Variants in CASS4 observed in about 807,000 individuals in gnomAD.
CASS4 encodes the protein Cas scaffold protein family member 4.
In CASS4, 22 loss-of-function variants were observed where a neutral mutation model predicts 54.2. That is an observed-to-expected ratio of 0.41 (90% confidence interval 0.29 to 0.58). CASS4 has a LOEUF of 0.58. CASS4 is among the 20% of genes least tolerant of loss of function. The pLI is 0.36. For synonymous variants in CASS4, 409 were observed against 391.5 expected, an observed-to-expected ratio of 1.04 and a Z score of -0.53; for missense variants, 854 against 986.7, an observed-to-expected ratio of 0.87 and a Z score of 1.80.
chr20:56,454,686 TA>T (rs1981203342), intron 5 of CASS4, among the ~76,000 whole-genome samples: 1 of 152,204 alleles, frequency 6.6e-6, no homozygotes, highest in South Asian at 2.1e-4. Flanking sequence ...AAGAGAAAGA[TA>T]AACCTATCTT....
Position 56,414,241 on chromosome 20 carries a change from G to A in CASS4, c.36+1747G>A, listed in dbSNP as rs1054851140. ...CTTTTCTGGCTGTTGTTGTTTGTGT[G>A]TGTGTTTGTCTTTCTGATCCAGGTG... On this transcript the variant is annotated intron_variant, in intron 1 of 5. Transcript: ENST00000679887. This position sits in a 1 kb window ranked among gnomAD's most constrained non-coding sequence, Gnocchi z 4.1. 1.3e-5 allele frequency among the ~76,000 whole-genome samples: 2 copies of A among 152,152 alleles called. No individual in the cohort carries two copies. Among genetic ancestry groups the A allele is most frequent in the African/African-American group, 4.8e-5 (2 of 41,406 alleles).
chr20:56,430,588 C>A lies in CASS4; in HGVS notation c.37-6576C>A, dbSNP rs943581715. On this transcript the variant is annotated intron_variant, in intron 1 of 5. Transcript: ENST00000679887. This position sits in a 1 kb window ranked among gnomAD's most constrained non-coding sequence, Gnocchi z 4.2. ...CTTTGGAGTGGCCTGTCAACTGCTT[C>A]CATCTGTTATTCACAAAGAGCTCAG... Among the ~76,000 whole-genome samples, 3 of 152,190 alleles carry A rather than the reference C, an allele frequency of 2.0e-5. No individual in the cohort carries two copies. The highest frequency in any genetic ancestry group is 7.2e-5 in the African/African-American group (3 of 41,448).
intron 2 of CASS4, 125 bp from the exon 3 acceptor site, chr20:56,445,775 T>A: frequency 1.5e-6 from 1 of 651,558 alleles, no homozygotes; most frequent in Admixed American, 2.7e-5. Flanking sequence ...CCAGCGGGGG[T>A]GCCGGGCGAC....
chr20:56,453,185 G>A, intron 5 of CASS4, 56 bp downstream of exon 5: 2 of 1,287,588 alleles, frequency 1.6e-6, no homozygotes, highest in Non-Finnish European at 2.2e-6. Flanking sequence ...ACCTGGAGTA[G>A]TGGCTACTAA....
intron 1 of CASS4, among the ~76,000 whole-genome samples, chr20:56,417,534 G>A (rs1200755064): frequency 3.3e-5 from 5 of 152,166 alleles, no homozygotes; most frequent in African/African-American, 1.2e-4. Flanking sequence ...TTGTTCCTCT[G>A]TCTTCCTCTC....
chr20:56,413,203 G>A (rs1054490326), intron 1 of CASS4, among the ~76,000 whole-genome samples: 13 of 150,626 alleles, frequency 8.6e-5, no homozygotes, highest in Admixed American at 3.3e-4. Flanking sequence ...AAGTTAAAAT[G>A]GCTACCATAT....
At chr20:56,444,399 G>T (rs575086284) in intron 2 of CASS4, among the ~76,000 whole-genome samples, 1 of 152,268 alleles carries the variant, frequency 6.6e-6, no homozygotes, top group Admixed American at 6.5e-5. Flanking sequence ...CCCTGTCCTG[G>T]ACTCCGGAGC....
rs1264119173 is a variant in CASS4, at chr20:56,459,982, C to T, written c.*1235C>T. On this transcript the variant is annotated 3_prime_UTR_variant, in exon 6 of 6. Transcript: ENST00000679887. ...CGTAAGTAGGGGAAGTGCAAGAGAA[C>T]TTATCTTCAAATGGTTAATTTTTAT... The T allele has an allele frequency of 6.6e-6, 1 of 152,106 alleles. No individual in the cohort carries two copies. The highest frequency in any genetic ancestry group is 2.4e-5 in the African/African-American group (1 of 41,372). 9.4% of individuals were successfully genotyped at this position (152,106 alleles called of 1,614,324 possible). A position where few individuals can be genotyped will look rare whatever the true frequency, so the allele number is the denominator to read the frequency against.
intron 1 of CASS4, among the ~76,000 whole-genome samples, chr20:56,436,535 G>A (rs1277231788): frequency 6.6e-6 from 1 of 151,894 alleles, no homozygotes; most frequent in African/African-American, 2.4e-5. Flanking sequence ...TTTTACAGAT[G>A]AGGAAACTGA....
intron 1 of CASS4, among the ~76,000 whole-genome samples, chr20:56,423,169 C>G (rs1274970364): frequency 6.6e-6 from 1 of 152,248 alleles, no homozygotes; most frequent in Non-Finnish European, 1.5e-5. Flanking sequence ...AAAGATTTCC[C>G]TTCCCAAGCG....
chr20:56,436,899 A>G (rs932202252), intron 1 of CASS4, among the ~76,000 whole-genome samples: 4 of 152,126 alleles, frequency 2.6e-5, no homozygotes, highest in African/African-American at 7.2e-5. Context: ...AACCAAAAAC[A>G]AACAGGGCCA....
At chr20:56,428,943 T>G in intron 1 of CASS4, among the ~76,000 whole-genome samples, 1 of 110,286 alleles carries the variant, frequency 9.1e-6, no homozygotes, top group Admixed American at 8.5e-5. Context: ...AGCCCTGACA[T>G]TCTTGAGTTT....
intron 1 of CASS4, among the ~76,000 whole-genome samples, chr20:56,421,625 G>T (rs1280633335): frequency 6.6e-6 from 1 of 152,178 alleles, no homozygotes; most frequent in East Asian, 1.9e-4. Context: ...GAGCCCAGGA[G>T]TTCGAGGCTG....
At chr20:56,446,701 T>C (rs542879432) in intron 3 of CASS4, among the ~76,000 whole-genome samples, 1 of 152,148 alleles carries the variant, frequency 6.6e-6, no homozygotes, top group Non-Finnish European at 1.5e-5. Context: ...CTCCCAACTT[T>C]CGTTGTATGC....
intron 1 of CASS4, among the ~76,000 whole-genome samples, chr20:56,425,894 T>A (rs1272502646): frequency 6.6e-6 from 1 of 152,226 alleles, no homozygotes; most frequent in Non-Finnish European, 1.5e-5. Context: ...GCTATACTTA[T>A]AAAAGCATCA....
rs1356310967 is a variant in CASS4 at position 56,437,476 on chromosome 20, A to G, written c.349A>G (p.Arg117Gly). The G allele has an allele frequency of 3.1e-6, 5 of 1,612,382 alleles. No individual in the cohort carries two copies. In the South Asian group the frequency reaches 3.3e-5, roughly 11 times the overall value. ...PTPGPVYEQM[R>G]SWAEGPQPPT... The stretch of plus-strand genomic sequence containing the variant: ...TCCAGGCCCCGTTTATGAGCAGATG[A>G]GGAGTTGGGCGGAGGGGCCCCAGCC... Residue 117 changes from arginine (R) to glycine (G), a missense_variant, in exon 2 of 6, where the codon AGG (arginine) becomes GGG (glycine). Physicochemically the swap from Arg to Gly is moderately radical, Grantham distance 125 (BLOSUM62 -2). Coordinates refer to ENST00000679887, the MANE Select transcript of CASS4 (RefSeq NM_020356.4). This position sits in a 1 kb window ranked among gnomAD's most constrained non-coding sequence, Gnocchi z 4.7.
chr20:56,456,304 C>T (rs995132257), intron 5 of CASS4, among the ~76,000 whole-genome samples: 3 of 152,110 alleles, frequency 2.0e-5, no homozygotes, highest in Non-Finnish European at 2.9e-5. Flanking sequence ...TTTCACCTCC[C>T]TACGGTTAAT....
At chr20:56,428,438 A>T (rs767117829) in intron 1 of CASS4, among the ~76,000 whole-genome samples, 12 of 152,280 alleles carry the variant, frequency 7.9e-5, no homozygotes, top group Middle Eastern at 3.4e-3. Flanking sequence ...CTGACTATTA[A>T]CGTTGAGTTT....
Position 56,458,394 on chromosome 20 carries a change from C to A in CASS4, c.2008C>A (p.Pro670Thr). Residue 670 changes from proline (P) to threonine (T), a missense_variant, in exon 6 of 6, where the codon CCC (proline) becomes ACC (threonine). Pro to Thr is a conservative substitution (Grantham distance 38, BLOSUM62 -1). Transcript: ENST00000679887. Reference protein sequence around the residue: ...PSSQQTPERKPRLSEHCRLYF... With the variant: ...PSSQQTPERKTRLSEHCRLYF... Reference sequence around the variant, plus strand: ...GAGTCAACAGACTCCTGAGAGGAAACCCCGCTTATCTGAACACTGCCGGCT... The same window carrying A: ...GAGTCAACAGACTCCTGAGAGGAAAACCCGCTTATCTGAACACTGCCGGCT... 2.5e-6 allele frequency: 4 copies of A among 1,614,130 alleles called. No individual in the cohort carries two copies. Among genetic ancestry groups the A allele is most frequent in the Non-Finnish European group, 3.4e-6 (4 of 1,180,028 alleles).
Sources: gnomAD v4.1 joint callset for allele counts (sites outside exome capture counted in the v4.1 genomes callset) on GRCh38, gnomAD v4.1.1 for gene constraint, Gnocchi (gnomAD v3.1) non-coding constraint, MANE v1.5 for transcripts, NCBI Gene and HGNC (gene_info 2026-07-23, HGNC 2026-07-21) for gene names.